The following LRRC40 variants were observed in gnomAD, a reference collection of about 807,000 sequenced individuals.
LRRC40 encodes the protein leucine rich repeat containing 40.
A neutral mutation model predicts 72.8 loss-of-function variants in LRRC40; 76 were observed. The ratio of observed to expected loss-of-function variants is 1.04; its 90% CI spans 0.87 to 1.26. The LOEUF (loss-of-function observed/expected upper bound fraction) is 1.26. Ranked by LOEUF, LRRC40 falls within the 50% of genes most tolerant of loss-of-function variation. LRRC40 has a pLI of 0.00. For synonymous variants in LRRC40, 243 were observed against 254.2 expected (o/e 0.96, Z 0.42); for missense variants, 684 against 698.9 (o/e 0.98, Z 0.24).
chr1:70,155,032 C>T (rs1460176675), intron 11 of LRRC40, among the ~76,000 whole-genome samples: 2 of 152,084 alleles, frequency 1.3e-5, no homozygotes, highest in Non-Finnish European at 1.5e-5. Flanking sequence ...TATCTGTCAG[C>T]TTTCTTTGGG....
intron 5 of LRRC40, among the ~76,000 whole-genome samples, chr1:70,179,792 T>C (rs1288653965): frequency 1.3e-5 from 2 of 152,194 alleles, no homozygotes; most frequent in Non-Finnish European, 2.9e-5. Flanking sequence ...AATATCCTTA[T>C]TGAAAAAAAT....
At chr1:70,157,612 C>G (rs530715372) in intron 10 of LRRC40, among the ~76,000 whole-genome samples, 2 of 152,080 alleles carry the variant, frequency 1.3e-5, no homozygotes, top group South Asian at 2.1e-4. Context: ...AATAGAGACT[C>G]AATAAATGGT....
At chr1:70,165,673 GA>G (rs976720545) in intron 9 of LRRC40, among the ~76,000 whole-genome samples, 96 of 145,232 alleles carry the variant, frequency 6.6e-4, no homozygotes, top group Middle Eastern at 3.6e-3. Flanking sequence ...AAAGCTGAAG[GA>G]AAAAAAAAAA....
chr1:70,204,655 C>G (rs1401883730), intron 1 of LRRC40, among the ~76,000 whole-genome samples: 1 of 151,446 alleles, frequency 6.6e-6, no homozygotes, highest in Admixed American at 6.6e-5. Context: ...GTCTTAAAAC[C>G]TAAATATAAA....
intron 2 of LRRC40, among the ~76,000 whole-genome samples, chr1:70,188,167 T>TA (rs1668409623): frequency 6.6e-6 from 1 of 152,124 alleles, no homozygotes. Flanking sequence ...AAAAGTTCCC[T>TA]AAAAATTGAT....
intron 9 of LRRC40, among the ~76,000 whole-genome samples, chr1:70,167,314 C>T (rs1254004727): frequency 2.0e-5 from 3 of 151,718 alleles, no homozygotes; most frequent in Non-Finnish European, 2.9e-5. Context: ...AATCCCAGCA[C>T]TTTGAGAGGC....
chr1:70,175,523 AG>A (rs921822714), intron 7 of LRRC40, among the ~76,000 whole-genome samples: 2 of 152,104 alleles, frequency 1.3e-5, no homozygotes, highest in Non-Finnish European at 2.9e-5. Flanking sequence ...ATTTAGTTCT[AG>A]GGGGTAACTA....
intron 2 of LRRC40, among the ~76,000 whole-genome samples, chr1:70,188,544 G>A (rs1034050649): frequency 5.9e-5 from 9 of 151,922 alleles, no homozygotes; most frequent in African/African-American, 1.9e-4. Flanking sequence ...AGACCAGTCT[G>A]GGAAACATAG....
chr1:70,203,986 T>C lies in LRRC40; in HGVS notation c.151+1404A>G, dbSNP rs970097589. 2.6e-5 allele frequency among the ~76,000 whole-genome samples: 4 copies of C among 152,230 alleles called. No individual in the cohort carries two copies. In the East Asian group the frequency reaches 7.7e-4, roughly 29 times the overall value. Reference sequence around the variant, plus strand: ...CTCCTATGAAATGCTGTTTATTCACTCATTTAAAATCATTTTATGTACCAG... The same window carrying C: ...CTCCTATGAAATGCTGTTTATTCACCCATTTAAAATCATTTTATGTACCAG... On this transcript the variant is annotated intron_variant, in intron 1 of 14. Coordinates refer to ENST00000370952, the MANE Select transcript of LRRC40 (RefSeq NM_017768.5).
At chr1:70,179,027 A>T in intron 5 of LRRC40, 34 bp from the exon 6 acceptor site, 5 of 1,385,150 alleles carry the variant, frequency 3.6e-6, no homozygotes, top group Non-Finnish European at 4.8e-6. Context: ...ACAAAAATAG[A>T]GAAAAAAAAA....
At chr1:70,155,104 CTCATAA>C (rs1667608654) in intron 11 of LRRC40, among the ~76,000 whole-genome samples, 1 of 152,094 alleles carries the variant, frequency 6.6e-6, no homozygotes, top group African/African-American at 2.4e-5. Context: ...TAAATTAACA[CTCATAA>C]TCTAAAGATT....
intron 11 of LRRC40, among the ~76,000 whole-genome samples, chr1:70,154,712 A>G (rs1667599422): frequency 6.6e-6 from 1 of 152,170 alleles, no homozygotes; most frequent in Admixed American, 6.5e-5. Flanking sequence ...AAAGTCATTC[A>G]ACTTTCTCAA....
Position 70,155,810 on chromosome 1 carries a change from G to A in LRRC40, c.1221-14C>T. On this transcript the variant is annotated splice_polypyrimidine_tract_variant and intron_variant, in intron 10 of 14. Coordinates refer to ENST00000370952, the MANE Select transcript of LRRC40 (RefSeq NM_017768.5). ...GCTTGTTTATCACTAAATGAAAAATGGTTTTAAAAAACGAACCATTCTTAG... is the reference window on the plus strand; with the variant it reads ...GCTTGTTTATCACTAAATGAAAAATAGTTTTAAAAAACGAACCATTCTTAG... 1 of 1,412,178 alleles carries A rather than the reference G, an allele frequency of 7.1e-7. No individual in the cohort carries two copies. Among genetic ancestry groups the A allele is most frequent in the Non-Finnish European group, 9.8e-7 (1 of 1,025,626 alleles). The allele number at this position is 1,412,178 out of a possible 1,614,324, so 87.5% of individuals were successfully genotyped here.
intron 9 of LRRC40, among the ~76,000 whole-genome samples, chr1:70,165,257 A>T (rs1667857053): frequency 6.6e-6 from 1 of 152,240 alleles, no homozygotes; most frequent in Non-Finnish European, 1.5e-5. Context: ...GGTAAATAAC[A>T]GTACATTGCA....
At chr1:70,190,315 T>C (rs531897491) in intron 1 of LRRC40, among the ~76,000 whole-genome samples, 2 of 152,120 alleles carry the variant, frequency 1.3e-5, no homozygotes, top group East Asian at 1.9e-4. Flanking sequence ...CAGTTTTGGA[T>C]GATTAATCAG....
At chr1:70,146,057 C>A in intron 14 of LRRC40, 152 bp from the exon 15 acceptor site, 1 of 521,486 alleles carries the variant, frequency 1.9e-6, no homozygotes, top group Non-Finnish European at 3.4e-6. Context: ...CAGAGTCTCA[C>A]TCTGTTGCCC....
At chr1:70,197,171 G>C (rs1433822745) in intron 1 of LRRC40, among the ~76,000 whole-genome samples, 2 of 118,174 alleles carry the variant, frequency 1.7e-5, no homozygotes, top group Non-Finnish European at 3.3e-5. Flanking sequence ...ATTTAATTTT[G>C]ATTATTTAAA....
chr1:70,181,690 G>T (rs911721434), intron 4 of LRRC40, among the ~76,000 whole-genome samples: 1 of 151,588 alleles, frequency 6.6e-6, no homozygotes, highest in African/African-American at 2.4e-5. Flanking sequence ...TCAAATTTTT[G>T]AGGAAAAAAA....
chr1:70,161,386 G>A (rs1223307373), intron 9 of LRRC40, among the ~76,000 whole-genome samples: 2 of 151,790 alleles, frequency 1.3e-5, no homozygotes, highest in Admixed American at 1.3e-4. Flanking sequence ...GCCCAGCCAT[G>A]GAGATACCTT....
Sources: allele counts gnomAD v4.1 joint callset (sites outside exome capture counted in the v4.1 genomes callset), GRCh38; gene constraint gnomAD v4.1.1; transcripts MANE v1.5; gene names NCBI Gene and HGNC (gene_info 2026-07-23, HGNC 2026-07-21).